Variants in DACH1 observed in about 807,000 individuals in gnomAD.
The protein encoded by DACH1 is dachshund family transcription factor 1.
In DACH1, 12 loss-of-function variants were observed where a neutral mutation model predicts 54.2. The observed-to-expected ratio is 0.22, with a 90% CI of 0.14 to 0.36. The LOEUF (loss-of-function observed/expected upper bound fraction) is 0.36, where lower values mean the gene tolerates loss of function less well. DACH1 is among the 10% of genes least tolerant of loss of function. The pLI is 1.00. For synonymous variants in DACH1, 386 were observed against 366.2 expected, an observed-to-expected ratio of 1.05 and a Z score of -0.62; for missense variants, 805 against 929.8, an observed-to-expected ratio of 0.87 and a Z score of 1.75.
Position 71,706,555 on chromosome 13 carries a change from G to A in DACH1, c.849-24645C>T, listed in dbSNP as rs185060440. ...CTTGGACATATTCCATTCTTTTCAAGCACTGGCTTGATACAAAAATAAAAT... is the reference window on the plus strand; with the variant it reads ...CTTGGACATATTCCATTCTTTTCAAACACTGGCTTGATACAAAAATAAAAT... On this transcript the variant is annotated intron_variant, in intron 1 of 10. Transcript: ENST00000613252. 7.6e-3 allele frequency among the ~76,000 whole-genome samples: 1,157 copies of A among 152,168 alleles called. 10 individuals carry two copies. Among genetic ancestry groups the A allele is most frequent in the Non-Finnish European group, 0.012 (834 of 67,968 alleles).
intron 1 of DACH1, among the ~76,000 whole-genome samples, chr13:71,697,171 T>C (rs1317762380): frequency 6.6e-6 from 1 of 152,214 alleles, no homozygotes; most frequent in East Asian, 1.9e-4. Flanking sequence ...TTGAATGTTT[T>C]GTTCACTGGA....
chr13:71,535,336 C>T (rs1882697846), intron 6 of DACH1, among the ~76,000 whole-genome samples: 1 of 151,736 alleles, frequency 6.6e-6, no homozygotes, highest in African/African-American at 2.4e-5. Flanking sequence ...AAATGTTCAA[C>T]TGGCTTTTAG....
intron 3 of DACH1, among the ~76,000 whole-genome samples, chr13:71,618,501 T>G (rs1875955012): frequency 1.3e-5 from 2 of 152,094 alleles, no homozygotes; most frequent in African/African-American, 4.8e-5. Context: ...TATTACTTTT[T>G]TCCTTGTTGT....
At chr13:71,668,880 G>A (rs976661956) in intron 2 of DACH1, among the ~76,000 whole-genome samples, 6 of 151,886 alleles carry the variant, frequency 4.0e-5, no homozygotes, top group East Asian at 3.9e-4. Flanking sequence ...AGCCGAGATC[G>A]CACCACTGCA....
chr13:71,609,482 A>G (rs1875139859), intron 3 of DACH1, among the ~76,000 whole-genome samples: 1 of 152,176 alleles, frequency 6.6e-6, no homozygotes, highest in South Asian at 2.1e-4. Flanking sequence ...CTTATGAAAT[A>G]TTAGTCATTT....
chr13:71,762,143 G>A (rs1471128272), intron 1 of DACH1, among the ~76,000 whole-genome samples: 1 of 152,070 alleles, frequency 6.6e-6, no homozygotes, highest in Non-Finnish European at 1.5e-5. Flanking sequence ...GTCCAAGGTA[G>A]GGGCTGGAAC....
At chr13:71,703,936 G>A (rs1044960255) in intron 1 of DACH1, among the ~76,000 whole-genome samples, 1 of 151,948 alleles carries the variant, frequency 6.6e-6, no homozygotes, top group Admixed American at 6.6e-5. Context: ...AGTATGGAGG[G>A]GAAGATGAAT....
intron 1 of DACH1, among the ~76,000 whole-genome samples, chr13:71,832,478 A>C (rs989747403): frequency 7.2e-5 from 11 of 151,968 alleles, no homozygotes; most frequent in African/African-American, 2.4e-4. Context: ...AGTTAAACTA[A>C]GAAAATGTTT....
intron 2 of DACH1, among the ~76,000 whole-genome samples, chr13:71,649,098 A>G (rs987092884): frequency 5.3e-5 from 8 of 152,154 alleles, no homozygotes; most frequent in Non-Finnish European, 4.4e-5. Flanking sequence ...TGGTCCCATA[A>G]GATTGTAATA....
At chr13:71,642,590 CT>C (rs1307598914) in intron 2 of DACH1, among the ~76,000 whole-genome samples, 3 of 152,122 alleles carry the variant, frequency 2.0e-5, no homozygotes, top group African/African-American at 7.2e-5. Flanking sequence ...TCTAGTCACT[CT>C]TTTTTGTCAA....
chr13:71,819,255 C>T (rs1359858514), intron 1 of DACH1, among the ~76,000 whole-genome samples: 1 of 152,192 alleles, frequency 6.6e-6, no homozygotes, highest in Admixed American at 6.6e-5. Flanking sequence ...CCTCACTCTC[C>T]CCTACTTCTC....
chr13:71,650,336 A>C (rs1485393858), intron 2 of DACH1, among the ~76,000 whole-genome samples: 1 of 152,188 alleles, frequency 6.6e-6, no homozygotes, highest in Non-Finnish European at 1.5e-5. Flanking sequence ...GTACATAAGC[A>C]GTACTTGGTA....
chr13:71,441,138 T>C (rs1282674179), intron 10 of DACH1, among the ~76,000 whole-genome samples: 3 of 152,082 alleles, frequency 2.0e-5, no homozygotes, highest in Admixed American at 1.3e-4. Flanking sequence ...TACCATGTAA[T>C]GTAACTATTG....
chr13:71,779,238 C>T lies in DACH1; in HGVS notation c.848+86684G>A, dbSNP rs1390237367. Among the ~76,000 whole-genome samples the T allele has an allele frequency of 5.3e-4, 38 of 71,454 alleles. 1 individual carries two copies. Among genetic ancestry groups the T allele is most frequent in the African/African-American group, 8.2e-4 (11 of 13,440 alleles). 46.9% of individuals were successfully genotyped at this position (71,454 alleles called of 152,430 possible). On this transcript the variant is annotated intron_variant, in intron 1 of 10. Coordinates refer to ENST00000613252, the MANE Select transcript of DACH1 (RefSeq NM_080759.6). ...ATATACGTATATACGTATATATACA[C>T]ATATATACGTATATACGTATATATG...
chr13:71,746,280 T>C (rs1270557010), intron 1 of DACH1, among the ~76,000 whole-genome samples: 1 of 152,038 alleles, frequency 6.6e-6, no homozygotes, highest in Non-Finnish European at 1.5e-5. Context: ...AAAATATACA[T>C]GAATGAAGAG....
intron 1 of DACH1, among the ~76,000 whole-genome samples, chr13:71,845,162 G>A (rs893434065): frequency 1.1e-4 from 16 of 151,944 alleles, no homozygotes; most frequent in East Asian, 3.9e-4. Context: ...GATGGATATG[G>A]TAATTACCCT....
chr13:71,526,317 A>G (rs571947336), intron 6 of DACH1, among the ~76,000 whole-genome samples: 48 of 152,238 alleles, frequency 3.2e-4, no homozygotes, highest in Admixed American at 7.2e-4. Flanking sequence ...GGTATGTAAC[A>G]AAGCATTTGA....
chr13:71,775,061 G>A (rs866689483), intron 1 of DACH1, among the ~76,000 whole-genome samples: 8 of 146,542 alleles, frequency 5.5e-5, no homozygotes, highest in African/African-American at 1.5e-4. Context: ...GAGGAAGGAG[G>A]ATCTCTTGAG....
intron 6 of DACH1, among the ~76,000 whole-genome samples, chr13:71,503,314 G>A (rs1880066782): frequency 6.6e-6 from 1 of 152,056 alleles, no homozygotes; most frequent in South Asian, 2.1e-4. Context: ...CTCAATGCCT[G>A]GCACATAACA....
Sources: gnomAD v4.1 joint callset for allele counts (sites outside exome capture counted in the v4.1 genomes callset) on GRCh38, gnomAD v4.1.1 for gene constraint, MANE v1.5 for transcripts, NCBI Gene and HGNC (gene_info 2026-07-23, HGNC 2026-07-21) for gene names.